Variants in INTS12 observed in about 807,000 individuals in gnomAD.
INTS12 encodes the protein PHD finger protein 22.
INTS12 carries 13 observed loss-of-function variants against 41.6 expected under a neutral mutation model. That is an observed-to-expected ratio of 0.31 (90% CI 0.20 to 0.50). The LOEUF (loss-of-function observed/expected upper bound fraction) is 0.50. Among genes scored for constraint, INTS12 ranks in the 20% least tolerant of loss-of-function variants. The probability of loss-of-function intolerance (pLI) is 0.98; values close to 1 mark genes in which losing one functional copy is unlikely to be tolerated. For missense variants in INTS12, 432 were observed against 541.6 expected, an observed-to-expected ratio of 0.80 and a Z score of 2.01; for synonymous variants, 199 against 191.4, an observed-to-expected ratio of 1.04 and a Z score of -0.33.
Position 105,692,149 on chromosome 4 carries a change from C to A in INTS12, c.498-14G>T. On this transcript the variant is annotated splice_polypyrimidine_tract_variant and intron_variant, in intron 5 of 7. Transcript: ENST00000340139. ...ACCATCATTTGCCTAAGAAAACATA[C>A]CATTAAACATTACACTACTTTTTTA... is the stretch of plus-strand genomic sequence containing the variant. The A allele has an allele frequency of 6.2e-7, 1 of 1,605,902 alleles. No individual in the cohort carries two copies. The highest frequency in any genetic ancestry group is 2.2e-5 in the East Asian group (1 of 44,744).
chr4:105,698,227 A>G (rs1731940277), intron 3 of INTS12, among the ~76,000 whole-genome samples: 1 of 152,236 alleles, frequency 6.6e-6, no homozygotes, highest in African/African-American at 2.4e-5. Context: ...ATGTAAATGA[A>G]TATCAACCAA....
At chr4:105,701,521 TG>T (rs1394626051) in intron 2 of INTS12, among the ~76,000 whole-genome samples, 5 of 152,166 alleles carry the variant, frequency 3.3e-5, no homozygotes, top group East Asian at 1.9e-4. Context: ...AATTTACTCA[TG>T]GGGCTGGTCA....
rs760536359 is a variant in INTS12 at position 105,683,194 on chromosome 4, A to G, written c.928T>C (p.Leu310=). The part of the protein sequence containing the change: ...TSSAGPSTAK[L]SSTTQNNTGK... ...GTATTGTTTTGTGTTGTTGAACTCA[A>G]TTTTGCTGTTGAAGGACCAGCAGAG... is the stretch of plus-strand genomic sequence containing the variant. The change falls in exon 8 of 8, where the codon TTG becomes CTG. Residue 310 remains leucine (L), a synonymous_variant. Transcript: ENST00000340139. The G allele has an allele frequency of 2.2e-5, 35 of 1,614,004 alleles. No homozygotes were observed. Among genetic ancestry groups the G allele is most frequent in the Non-Finnish European group, 2.8e-5 (33 of 1,179,996 alleles).
chr4:105,684,809 C>T (rs1009436383), intron 7 of INTS12, among the ~76,000 whole-genome samples: 5 of 152,010 alleles, frequency 3.3e-5, no homozygotes, highest in Non-Finnish European at 7.4e-5. Context: ...AAACATAAAA[C>T]TGTCTGCCAT....
At chr4:105,689,205 A>G (rs1731597432) in intron 6 of INTS12, among the ~76,000 whole-genome samples, 1 of 152,252 alleles carries the variant, frequency 6.6e-6, no homozygotes, top group Non-Finnish European at 1.5e-5. Context: ...GGACCCTGCC[A>G]TACACGATCA....
Position 105,693,306 on chromosome 4 carries a change from C to T in INTS12, c.490G>A (p.Val164Ile). 2 of 1,586,654 alleles carry T rather than the reference C, an allele frequency of 1.3e-6. No homozygotes were observed. Among genetic ancestry groups the T allele is most frequent in the Non-Finnish European group, 1.7e-6 (2 of 1,161,118 alleles). ...TGGCAAGGTACAACTTACCTACAAA[C>T]AACGCAGGCCAATCCCATCTCCATG... is the stretch of plus-strand genomic sequence containing the variant. ...FAMEMGLACVVCRQMMVASGN... is the reference protein window; with the variant it reads ...FAMEMGLACVICRQMMVASGN... Residue 164 changes from valine to isoleucine, a missense_variant, in exon 5 of 8, where the codon GTT becomes ATT. Physicochemically the swap from Val to Ile is conservative, Grantham distance 29. Transcript: ENST00000340139.
Position 105,695,549 on chromosome 4 carries a change from T to C in INTS12, c.276A>G (p.Val92=). 1 of 1,611,268 alleles carries C rather than the reference T, an allele frequency of 6.2e-7. No homozygotes were observed. Among genetic ancestry groups the C allele is most frequent in the Non-Finnish European group, 8.5e-7 (1 of 1,179,244 alleles). The change falls in exon 4 of 8, where the codon GTA becomes GTG. Residue 92 remains valine (V), a synonymous_variant. Coordinates refer to ENST00000340139, the MANE Select transcript of INTS12 (RefSeq NM_020395.4). The part of the protein sequence containing the change: ...NNGKVLTTEK[V]KKEAEKRPAD... ...CAGGTCTCTTTTCAGCTTCCTTCTTTACCTTTTCAGTTGTGAGGACCTTGC... is the reference window on the plus strand; with the variant it reads ...CAGGTCTCTTTTCAGCTTCCTTCTTCACCTTTTCAGTTGTGAGGACCTTGC...
chr4:105,693,470 G>A lies in INTS12; in HGVS notation c.326C>T (p.Thr109Ile). ...TTTCTTTGGAATATCAACTCCTTCA[G>A]TGATGTCTGATTTCATCTATAAAAA... The part of the protein sequence containing the change: ...RPADKMKSDI[T>I]EGVDIPKKPR... Residue 109 changes from threonine (T) to isoleucine (I), a missense_variant, in exon 5 of 8, where the codon ACT (threonine) becomes ATT (isoleucine). Around this residue, in one of 3 missense-constraint regions of INTS12, gnomAD observed 168 missense variants for 198.9 expected, o/e 0.84. Coordinates refer to ENST00000340139, the MANE Select transcript of INTS12 (RefSeq NM_020395.4). 3.1e-6 allele frequency: 5 copies of A among 1,611,984 alleles called. No individual in the cohort carries two copies. The highest frequency in any genetic ancestry group is 1.7e-4 in the Middle Eastern group (1 of 6,054).
intron 7 of INTS12, 110 bp downstream of exon 7, chr4:105,686,580 AAT>A: frequency 1.4e-6 from 1 of 720,148 alleles, no homozygotes; most frequent in Non-Finnish European, 2.2e-6. Flanking sequence ...TAATTTCTAA[AAT>A]ATAGCCATTT....
chr4:105,707,608 C>T (rs993775979), intron 1 of INTS12, among the ~76,000 whole-genome samples: 2 of 152,272 alleles, frequency 1.3e-5, no homozygotes, highest in Admixed American at 1.3e-4. Flanking sequence ...AAGCAATCAC[C>T]TCTTTCACGA....
rs1350846639 is a variant in INTS12 at position 105,683,201 on chromosome 4, T to C, written c.921A>G (p.Thr307=). 6 of 1,614,110 alleles carry C rather than the reference T, an allele frequency of 3.7e-6. No homozygotes were observed. The highest frequency in any genetic ancestry group is 1.7e-6 in the Non-Finnish European group (2 of 1,179,976). The change falls in exon 8 of 8, where the codon ACA becomes ACG. Residue 307 remains threonine, a synonymous_variant. Coordinates refer to ENST00000340139, the MANE Select transcript of INTS12 (RefSeq NM_020395.4). Reference sequence around the variant, plus strand: ...TTTGTGTTGTTGAACTCAATTTTGCTGTTGAAGGACCAGCAGAGGAAGTTT... The same window carrying C: ...TTTGTGTTGTTGAACTCAATTTTGCCGTTGAAGGACCAGCAGAGGAAGTTT... ...AAKTSSAGPS[T]AKLSSTTQNN... is the part of the protein sequence containing the mutation.
intron 2 of INTS12, among the ~76,000 whole-genome samples, chr4:105,701,373 T>G (rs766417529): frequency 6.6e-6 from 1 of 152,032 alleles, no homozygotes; most frequent in Non-Finnish European, 1.5e-5. Flanking sequence ...AGTACTATAA[T>G]GAAAAAGTAA....
chr4:105,699,893 GATTC>G lies in INTS12; in HGVS notation c.109_112del (p.Glu37LeufsTer55). On this transcript the variant is annotated frameshift_variant, in exon 3 of 8. Coordinates refer to ENST00000340139, the MANE Select transcript of INTS12 (RefSeq NM_020395.4). LOFTEE classifies it high-confidence loss of function. ...ACTGGAATCAATGCCCCGAGCCAAA[GATTC>G]ATCAAGCAGTGCTTTTAGCTTTTCA... The G allele has an allele frequency of 6.5e-7, 1 of 1,549,992 alleles. No homozygotes were observed.
At chr4:105,708,318 TGA>T (rs1732375597) in intron 1 of INTS12, 2 of 985,348 alleles carry the variant, frequency 2.0e-6, no homozygotes, top group South Asian at 9.4e-5. Flanking sequence ...AGCCAAAAGA[TGA>T]GAGACAATGA....
chr4:105,706,681 C>T (rs73839006), intron 1 of INTS12, among the ~76,000 whole-genome samples: 10,139 of 152,268 alleles, frequency 0.067, 345 homozygotes, highest in Middle Eastern at 0.11. Flanking sequence ...CTCTTACTTT[C>T]AATAAATGAC....
At chr4:105,702,955 T>C (rs1732134713) in intron 2 of INTS12, 1 of 985,068 alleles carries the variant, frequency 1.0e-6, no homozygotes, top group Non-Finnish European at 1.2e-6. Context: ...CAAATATCCA[T>C]ATAGTGAAAG....
rs144619017 is a variant in INTS12, at chr4:105,702,464, A to T, written c.-10+1184T>A. 7.9e-3 allele frequency among the ~76,000 whole-genome samples: 1,204 copies of T among 152,254 alleles called. 12 individuals are homozygous for T. The highest frequency in any genetic ancestry group is 0.027 in the African/African-American group (1,103 of 41,532). ...TTATTTCTATTTCTATTTATTTTTT[A>T]AAAATCTATTCATATACAGAGTGAT... On this transcript the variant is annotated intron_variant, in intron 2 of 7. Transcript: ENST00000340139.
intron 2 of INTS12, chr4:105,702,945 C>A: frequency 1.0e-6 from 1 of 985,150 alleles, no homozygotes; most frequent in Non-Finnish European, 1.2e-6. Context: ...TCCTTACCGG[C>A]AAATATCCAT....
chr4:105,693,173 G>T, intron 5 of INTS12, 126 bp downstream of exon 5: 3 of 675,460 alleles, frequency 4.4e-6, no homozygotes, highest in Non-Finnish European at 6.9e-6. Flanking sequence ...CTCCACCCCA[G>T]TTCCAAATAG....
Sources: allele counts gnomAD v4.1 joint callset (sites outside exome capture counted in the v4.1 genomes callset), GRCh38; gene constraint gnomAD v4.1.1; regional missense constraint gnomAD v4.1.1; transcripts MANE v1.5; gene names NCBI Gene and HGNC (gene_info 2026-07-23, HGNC 2026-07-21).